The following PXDNL variants were observed in gnomAD, a reference collection of about 807,000 sequenced individuals.
PXDNL encodes probable oxidoreductase PXDNL.
A neutral mutation model predicts 150.8 loss-of-function variants in PXDNL; 145 were observed. That is an observed-to-expected ratio of 0.96 (90% CI 0.84 to 1.10). The LOEUF (loss-of-function observed/expected upper bound fraction) is 1.10. Among genes scored for constraint, PXDNL ranks in the 50% least tolerant of loss-of-function variants. PXDNL has a pLI of 0.00. For synonymous variants in PXDNL, 757 were observed against 725.7 expected (o/e 1.04, Z -0.69); for missense variants, 2,087 against 1,873.9 (o/e 1.11, Z -2.10).
At chr8:51,377,667 A>G (rs1807373189) in intron 17 of PXDNL, among the ~76,000 whole-genome samples, 1 of 152,210 alleles carries the variant, frequency 6.6e-6, no homozygotes. Context: ...CTGGGCCAGC[A>G]GCTGCGGAGG....
intron 3 of PXDNL, among the ~76,000 whole-genome samples, chr8:51,582,903 C>T (rs766179017): frequency 1.5e-4 from 19 of 130,454 alleles, no homozygotes; most frequent in Admixed American, 4.6e-4. Context: ...TCCTGGTAAA[C>T]GATGGCTGAT....
At chr8:51,498,818 G>T (rs1029492265) in intron 5 of PXDNL, among the ~76,000 whole-genome samples, 12 of 152,090 alleles carry the variant, frequency 7.9e-5, no homozygotes, top group Admixed American at 6.5e-4. Flanking sequence ...AATTTCTTTT[G>T]AGAATAAAAT....
chr8:51,545,264 C>T (rs1301958660), intron 4 of PXDNL, among the ~76,000 whole-genome samples: 1 of 152,172 alleles, frequency 6.6e-6, no homozygotes, highest in South Asian at 2.1e-4. Flanking sequence ...TCTGTAAATA[C>T]GTTTGATGAA....
intron 4 of PXDNL, among the ~76,000 whole-genome samples, chr8:51,536,014 T>TA (rs1812068321): frequency 6.6e-6 from 1 of 152,130 alleles, no homozygotes; most frequent in Non-Finnish European, 1.5e-5. Context: ...AACAAGTGAT[T>TA]AAGTTCAGTG....
At chr8:51,633,336 G>A (rs767704647) in intron 2 of PXDNL, among the ~76,000 whole-genome samples, 7 of 151,938 alleles carry the variant, frequency 4.6e-5, no homozygotes, top group African/African-American at 9.7e-5. Flanking sequence ...CTTTGTTATC[G>A]TGAGAGTGCT....
At chr8:51,600,880 T>A (rs1407364714) in intron 2 of PXDNL, among the ~76,000 whole-genome samples, 1 of 141,396 alleles carries the variant, frequency 7.1e-6, no homozygotes, top group Non-Finnish European at 1.5e-5. Flanking sequence ...ATAAATTACA[T>A]CTTATATAAA....
At chr8:51,414,127 T>C (rs948800986) in intron 14 of PXDNL, among the ~76,000 whole-genome samples, 2 of 152,018 alleles carry the variant, frequency 1.3e-5, no homozygotes, top group African/African-American at 2.4e-5. Context: ...GAAGGTATTG[T>C]ATGTATTATC....
intron 5 of PXDNL, among the ~76,000 whole-genome samples, chr8:51,490,638 A>G (rs949554028): frequency 4.0e-5 from 6 of 149,418 alleles, no homozygotes; most frequent in African/African-American, 1.5e-4. Flanking sequence ...ATATATATAC[A>G]TATATATACA....
chr8:51,693,506 G>T (rs1415944899), intron 1 of PXDNL, among the ~76,000 whole-genome samples: 1 of 152,166 alleles, frequency 6.6e-6, no homozygotes, highest in Admixed American at 6.5e-5. Flanking sequence ...AGGCACGATG[G>T]CTCACACCTG....
rs116579741 is a variant in PXDNL, at chr8:51,363,384, T to G, written c.3901+8489A>C. Among the ~76,000 whole-genome samples, 732 of 151,366 alleles carry G rather than the reference T, an allele frequency of 4.8e-3. 6 individuals are homozygous for G. Among genetic ancestry groups the G allele is most frequent in the African/African-American group, 0.017 (693 of 41,240 alleles). On this transcript the variant is annotated intron_variant, in intron 19 of 22. Coordinates refer to ENST00000356297, the MANE Select transcript of PXDNL (RefSeq NM_144651.5). ...GGAAGGGCTTTATTCAGCCGGGAGGTTTCGCAAGACTCACGTCTGAAAAAC... is the reference window on the plus strand; with the variant it reads ...GGAAGGGCTTTATTCAGCCGGGAGGGTTCGCAAGACTCACGTCTGAAAAAC...
chr8:51,536,792 A>T (rs933382606), intron 4 of PXDNL, among the ~76,000 whole-genome samples: 5 of 152,232 alleles, frequency 3.3e-5, no homozygotes, highest in African/African-American at 1.2e-4. Flanking sequence ...CAGTTTTCAC[A>T]CAATTACATA....
Position 51,556,885 on chromosome 8 carries a change from G to A in PXDNL, c.335C>T (p.Ala112Val). 1 of 1,582,280 alleles carries A rather than the reference G, an allele frequency of 6.3e-7. No individual in the cohort carries two copies. The highest frequency in any genetic ancestry group is 8.7e-7 in the Non-Finnish European group (1 of 1,152,006). Residue 112 changes from alanine (A) to valine (V), a missense_variant, in exon 4 of 23, where the codon GCA (alanine) becomes GTA (valine). By Grantham distance (64) the Ala-to-Val change is moderately conservative. Coordinates refer to ENST00000356297, the MANE Select transcript of PXDNL (RefSeq NM_144651.5). ...YLYLYKNEIHALDKQTFKGLI... is the reference protein window; with the variant it reads ...YLYLYKNEIHVLDKQTFKGLI... ...TCCTTTAAATGTTTGCTTATCTAGTGCATGGATTTCATTCTTATACAGGTA... is the reference window on the plus strand; with the variant it reads ...TCCTTTAAATGTTTGCTTATCTAGTACATGGATTTCATTCTTATACAGGTA...
chr8:51,788,660 C>T (rs1017486084), intron 1 of PXDNL, among the ~76,000 whole-genome samples: 2 of 152,160 alleles, frequency 1.3e-5, no homozygotes, highest in Admixed American at 6.5e-5. Context: ...GGGAGTTAGT[C>T]GAACCAGTGG....
At chr8:51,434,831 T>A (rs561385070) in intron 12 of PXDNL, among the ~76,000 whole-genome samples, 1 of 152,266 alleles carries the variant, frequency 6.6e-6, no homozygotes, top group Admixed American at 6.5e-5. Context: ...ACACAATATA[T>A]CTTGATTTTA....
intron 4 of PXDNL, among the ~76,000 whole-genome samples, chr8:51,544,737 G>C (rs1453076119): frequency 1.3e-5 from 2 of 152,124 alleles, no homozygotes; most frequent in Non-Finnish European, 2.9e-5. Context: ...ATCAAAAAGT[G>C]TATTTTTATA....
In PXDNL at chr8:51,408,053, A is replaced by G; in HGVS notation, c.3557+14T>C. 6.3e-7 allele frequency: 1 copy of G among 1,585,692 alleles called. No homozygotes were observed. The highest frequency in any genetic ancestry group is 2.2e-5 in the East Asian group (1 of 44,772). The stretch of plus-strand genomic sequence containing the variant: ...TAAGAAATGTTTAAATCCAGGCAGC[A>G]TTTGCATACTTACTTTCTCAGTTTT... On this transcript the variant is annotated intron_variant, in intron 17 of 22. Transcript: ENST00000356297.
chr8:51,664,470 A>T (rs1226957146), intron 1 of PXDNL, among the ~76,000 whole-genome samples: 14 of 152,070 alleles, frequency 9.2e-5, no homozygotes, highest in Non-Finnish European at 2.9e-5. Context: ...GCTCCTCCAA[A>T]TGCCCGTGTG....
chr8:51,599,787 T>C lies in PXDNL; in HGVS notation c.237-7089A>G, dbSNP rs188156775. On this transcript the variant is annotated intron_variant, in intron 2 of 22. Coordinates refer to ENST00000356297, the MANE Select transcript of PXDNL (RefSeq NM_144651.5). ...AATAAATTATATCTTATATAAATGA[T>C]ATCGTTTAGATAATAAATTATACCT... Among the ~76,000 whole-genome samples the C allele has an allele frequency of 3.5e-3, 471 of 132,816 alleles. 4 individuals carry two copies. The highest frequency in any genetic ancestry group is 5.2e-3 in the African/African-American group (163 of 31,288). The allele number at this position is 132,816 out of a possible 152,430, so 87.1% of individuals were successfully genotyped here.
chr8:51,445,908 T>C (rs1316372708), intron 12 of PXDNL, among the ~76,000 whole-genome samples: 1 of 152,096 alleles, frequency 6.6e-6, no homozygotes, highest in East Asian at 1.9e-4. Flanking sequence ...TATTTTCAAA[T>C]CTTCCCACTC....
Sources: allele counts gnomAD v4.1 joint callset (sites outside exome capture counted in the v4.1 genomes callset), GRCh38; gene constraint gnomAD v4.1.1; transcripts MANE v1.5; gene names NCBI Gene and HGNC (gene_info 2026-07-23, HGNC 2026-07-21).